RBBP5: variants seen among roughly 807,000 people sequenced by gnomAD.
RBBP5 encodes retinoblastoma-binding protein 5.
A neutral mutation model predicts 72.2 loss-of-function variants in RBBP5; 5 were observed. The observed-to-expected ratio is 0.07, with a 90% CI of 0.04 to 0.15. The LOEUF is 0.15. RBBP5 is among the 10% of genes least tolerant of loss of function. The pLI, the probability that RBBP5 is intolerant of heterozygous loss-of-function variation, is 1.00. For missense variants in RBBP5, 322 were observed against 652.2 expected (o/e 0.49, Z 5.51); for synonymous variants, 209 against 237.2 (o/e 0.88, Z 1.09).
At position 205,100,521 on chromosome 1, in the gene RBBP5, G is replaced by A. The variant is rs143997945; in HGVS notation, c.633-250C>T. On this transcript the variant is annotated intron_variant, in intron 6 of 13. Transcript: ENST00000264515. ...AACTAAGTTCCAAGACCTCTCTACT[G>A]AAACCAGCTTCCTAAATTCCCAAGT... Among the ~76,000 whole-genome samples the A allele has an allele frequency of 5.2e-4, 79 of 152,246 alleles. 2 individuals are homozygous for A. In the East Asian group the frequency reaches 0.012, roughly 23 times the overall value.
At chr1:205,110,049 T>C (rs1290893037) in intron 3 of RBBP5, among the ~76,000 whole-genome samples, 1 of 151,958 alleles carries the variant, frequency 6.6e-6, no homozygotes, top group Non-Finnish European at 1.5e-5. Context: ...GGGTTTTTTT[T>C]TTCCGAGACA....
In RBBP5 at chr1:205,121,032, G is replaced by A. The variant is rs145504008; in HGVS notation, c.19+823C>T. ...CAAAGACCATTTTTTATGTATCTTT[G>A]TAGCCCTTTTGACAATTAACATATC... On this transcript the variant is annotated intron_variant, in intron 1 of 13. Coordinates refer to ENST00000264515, the MANE Select transcript of RBBP5 (RefSeq NM_005057.4). Among the ~76,000 whole-genome samples the A allele has an allele frequency of 1.1e-3, 165 of 152,268 alleles. 1 individual carries two copies. The highest frequency in any genetic ancestry group is 3.7e-3 in the African/African-American group (155 of 41,560).
chr1:205,104,015 T>C lies in RBBP5; in HGVS notation c.364A>G (p.Lys122Glu), dbSNP rs756513618. Residue 122 changes from lysine to glutamate, a missense_variant, in exon 5 of 14, where the codon AAG becomes GAG. Around this residue, in one of 6 missense-constraint regions of RBBP5, gnomAD observed 161 missense variants for 327.8 expected, o/e 0.49. Transcript: ENST00000264515. ...KVQYHPRDQN[K>E]VLVCPMKSAP... ...GATTTCATGGGACACACGAGAACCT[T>C]GTTCCTGTTTAAAAATACGAACAGT... 1.9e-6 allele frequency: 3 copies of C among 1,612,434 alleles called. No homozygotes were observed. The highest frequency in any genetic ancestry group is 2.5e-6 in the Non-Finnish European group (3 of 1,178,536).
At chr1:205,098,419 C>T (rs1402411470) in intron 10 of RBBP5, among the ~76,000 whole-genome samples, 4 of 152,162 alleles carry the variant, frequency 2.6e-5, no homozygotes, top group Non-Finnish European at 5.9e-5. Flanking sequence ...AGGAAATACA[C>T]AATGATATGT....
intron 3 of RBBP5, among the ~76,000 whole-genome samples, chr1:205,111,330 A>T (rs993026358): frequency 6.6e-6 from 1 of 152,222 alleles, no homozygotes; most frequent in African/African-American, 2.4e-5. Flanking sequence ...CTAGAAGCTG[A>T]GAACATAGCA....
chr1:205,120,243 C>CA (rs1656684403), intron 1 of RBBP5, among the ~76,000 whole-genome samples: 1 of 152,174 alleles, frequency 6.6e-6, no homozygotes, highest in Non-Finnish European at 1.5e-5. Context: ...ACATTGCTGT[C>CA]AGACAAACCT....
At chr1:205,103,189 A>C (rs10900447) in intron 5 of RBBP5, among the ~76,000 whole-genome samples, 26,526 of 139,720 alleles carry the variant, frequency 0.19, 3,290 homozygotes, top group East Asian at 0.53. Context: ...CATGCACTGC[A>C]CTTTAGCCTA....
Position 205,098,831 on chromosome 1 carries a change from C to T in RBBP5, c.1096+158G>A, listed in dbSNP as rs570803737. ...TTGCATCCAGCCTGGGTGACAAGAG[C>T]GAAATTCCATCTCAAAAAAAAAAAA... On this transcript the variant is annotated intron_variant, in intron 10 of 13. Transcript: ENST00000264515. Among the ~76,000 whole-genome samples, 8 of 117,690 alleles carry T rather than the reference C, an allele frequency of 6.8e-5. No individual in the cohort carries two copies. In the East Asian group the frequency reaches 7.4e-4, roughly 11 times the overall value. 77.2% of individuals were successfully genotyped at this position (117,690 alleles called of 152,430 possible).
intron 2 of RBBP5, 85 bp from the exon 3 acceptor site, chr1:205,115,046 T>TAAAGA: frequency 8.1e-7 from 1 of 1,238,870 alleles, no homozygotes. Flanking sequence ...TCACTTGTGA[T>TAAAGA]ACTTTTATTG....
chr1:205,099,499 T>A lies in RBBP5; in HGVS notation c.978+242A>T, dbSNP rs533311060. ...GAAAAATGTTATCTCAAATAAATAA[T>A]AGAAAAATGCAACAGAAAGTTCAAT... On this transcript the variant is annotated intron_variant, in intron 9 of 13. Coordinates refer to ENST00000264515, the MANE Select transcript of RBBP5 (RefSeq NM_005057.4). This position sits in a 1 kb window ranked among gnomAD's most constrained non-coding sequence, Gnocchi z 4.7. Among the ~76,000 whole-genome samples the A allele has an allele frequency of 3.9e-5, 6 of 152,120 alleles. No individual in the cohort carries two copies. The East Asian group carries it at 1.2e-3, about 29-fold the overall frequency.
intron 10 of RBBP5, 51 bp from the exon 11 acceptor site, chr1:205,097,446 T>G: frequency 6.6e-7 from 1 of 1,507,418 alleles, no homozygotes; most frequent in Non-Finnish European, 9.0e-7. Flanking sequence ...AAAACTGCTT[T>G]TTATTTGCAG....
At chr1:205,101,549 G>T (rs1454523297) in intron 6 of RBBP5, 51 bp downstream of exon 6, 5 of 1,282,990 alleles carry the variant, frequency 3.9e-6, no homozygotes, top group Admixed American at 4.8e-5. Context: ...ATGTATTTTT[G>T]CATTCTATTC....
intron 3 of RBBP5, among the ~76,000 whole-genome samples, chr1:205,112,828 A>G (rs959037971): frequency 6.6e-6 from 1 of 152,244 alleles, no homozygotes; most frequent in African/African-American, 2.4e-5. Flanking sequence ...TTAAAAAATC[A>G]TATCTAGAAA....
chr1:205,101,965 C>T (rs966741614), intron 5 of RBBP5, among the ~76,000 whole-genome samples: 4 of 147,910 alleles, frequency 2.7e-5, no homozygotes, highest in Admixed American at 6.9e-5. Flanking sequence ...GGTGCAATCT[C>T]GGCTCACTGC....
intron 6 of RBBP5, among the ~76,000 whole-genome samples, chr1:205,100,916 C>A (rs1655792849): frequency 6.6e-6 from 1 of 152,126 alleles, no homozygotes; most frequent in South Asian, 2.1e-4. Context: ...GCATTAGATT[C>A]TCATAAGGAG....
chr1:205,100,293 C>A, intron 6 of RBBP5, 22 bp from the exon 7 acceptor site: 1 of 1,611,578 alleles, frequency 6.2e-7, no homozygotes, highest in South Asian at 1.1e-5. Flanking sequence ...ATAAAAATAT[C>A]AACACCAGAG....
At chr1:205,104,921 G>C in intron 4 of RBBP5, 107 bp downstream of exon 4, 2 of 1,226,122 alleles carry the variant, frequency 1.6e-6, no homozygotes, top group Non-Finnish European at 2.3e-6. Context: ...AAGGTTTGAA[G>C]AGATGTGTAT....
chr1:205,095,779 G>A (rs1300653925), intron 12 of RBBP5, among the ~76,000 whole-genome samples: 2 of 152,180 alleles, frequency 1.3e-5, no homozygotes, highest in South Asian at 2.1e-4. Context: ...AACTTGCAGG[G>A]TTGATGTAAA....
chr1:205,119,203 G>A (rs868739304), intron 1 of RBBP5, among the ~76,000 whole-genome samples: 1 of 152,096 alleles, frequency 6.6e-6, no homozygotes, highest in African/African-American at 2.4e-5. Context: ...GACCAGGTTG[G>A]CCAACATGGT....
Sources: allele counts gnomAD v4.1 joint callset (sites outside exome capture counted in the v4.1 genomes callset), GRCh38; gene constraint gnomAD v4.1.1; regional missense constraint gnomAD v4.1.1; non-coding constraint Gnocchi (gnomAD v3.1); transcripts MANE v1.5; gene names NCBI Gene and HGNC (gene_info 2026-07-23, HGNC 2026-07-21).